SH3GL3: variants seen among roughly 807,000 people sequenced by gnomAD.
SH3GL3 encodes endophilin-A3.
In SH3GL3, 33 loss-of-function variants were observed where a neutral mutation model predicts 47.7. That is an observed-to-expected ratio of 0.69 (90% CI 0.52 to 0.92). The LOEUF (loss-of-function observed/expected upper bound fraction) is 0.92. SH3GL3 is among the 40% of genes least tolerant of loss of function. The pLI, the probability that SH3GL3 is intolerant of heterozygous loss-of-function variation, is 0.00. For missense variants in SH3GL3, 363 were observed against 417.8 expected (o/e 0.87, Z 1.14); for synonymous variants, 155 against 148.8 (o/e 1.04, Z -0.30).
chr15:83,628,988 C>T, the SH3GL3 span, among the ~76,000 whole-genome samples: 1 of 152,056 alleles, frequency 6.6e-6, no homozygotes. Flanking sequence ...CTATAAAAAG[C>T]AGTGCCATTT....
chr15:83,571,988 G>A (rs1256156436), intron 4 of SH3GL3, among the ~76,000 whole-genome samples: 1 of 152,164 alleles, frequency 6.6e-6, no homozygotes, highest in African/African-American at 2.4e-5. Context: ...CAACGCACCA[G>A]CAGACCCCCA....
intron 1 of SH3GL3, among the ~76,000 whole-genome samples, chr15:83,520,742 G>A (rs1187817885): frequency 6.6e-6 from 1 of 152,072 alleles, no homozygotes; most frequent in Non-Finnish European, 1.5e-5. Flanking sequence ...ATTTAAAATA[G>A]GCCTTTACTG....
chr15:83,523,709 T>G (rs2043299593), intron 1 of SH3GL3, among the ~76,000 whole-genome samples: 1 of 152,186 alleles, frequency 6.6e-6, no homozygotes, highest in Non-Finnish European at 1.5e-5. Context: ...CTATTGTTCT[T>G]TTTTTCTGTC....
intron 1 of SH3GL3, among the ~76,000 whole-genome samples, chr15:83,505,822 G>A (rs559195134): frequency 6.6e-5 from 10 of 152,248 alleles, no homozygotes; most frequent in East Asian, 5.8e-4. Flanking sequence ...GAGCCACTGC[G>A]TCCGGCCTGA....
chr15:83,552,777 T>A (rs2044729537), intron 1 of SH3GL3, among the ~76,000 whole-genome samples: 1 of 152,224 alleles, frequency 6.6e-6, no homozygotes, highest in Non-Finnish European at 1.5e-5. Flanking sequence ...GTTTGATATG[T>A]CAGTTTTCTG....
chr15:83,561,487 A>G (rs530681499), intron 2 of SH3GL3, among the ~76,000 whole-genome samples: 1 of 152,326 alleles, frequency 6.6e-6, no homozygotes, highest in East Asian at 1.9e-4. Flanking sequence ...GAAAATGAAT[A>G]AATCATGCAA....
rs750100781 is a variant in SH3GL3 at position 83,618,145 on chromosome 15, A to G, written c.902A>G (p.Gln301Arg). The G allele has an allele frequency of 6.2e-7, 1 of 1,613,820 alleles. No homozygotes were observed. Among genetic ancestry groups the G allele is most frequent in the South Asian group, 1.1e-5 (1 of 91,080 alleles). ...CTCTATGACTTTGAGCCAGAAAACCAAGGAGAATTAGGATTTAAAGAAGGG... is the reference window on the plus strand; with the variant it reads ...CTCTATGACTTTGAGCCAGAAAACCGAGGAGAATTAGGATTTAAAGAAGGG... ...RGLYDFEPEN[Q>R]GELGFKEGDI... Residue 301 changes from glutamine (Q) to arginine (R), a missense_variant, in exon 9 of 9, where the codon CAA becomes CGA. Gln to Arg is a conservative substitution (Grantham distance 43). Transcript: ENST00000427482.
intron 6 of SH3GL3, among the ~76,000 whole-genome samples, chr15:83,577,343 G>A (rs1384615363): frequency 6.6e-6 from 1 of 152,180 alleles, no homozygotes; most frequent in Non-Finnish European, 1.5e-5. Context: ...CAAGTTTCTA[G>A]AATTTTCTCC....
intron 1 of SH3GL3, among the ~76,000 whole-genome samples, chr15:83,494,978 C>T (rs1479204532): frequency 6.6e-6 from 1 of 152,156 alleles, no homozygotes; most frequent in African/African-American, 2.4e-5. Flanking sequence ...CCTCCCTCTC[C>T]CCCTTCCAGA....
At chr15:83,562,739 A>G (rs1269519830) in intron 2 of SH3GL3, among the ~76,000 whole-genome samples, 2 of 152,226 alleles carry the variant, frequency 1.3e-5, no homozygotes, top group Non-Finnish European at 2.9e-5. Flanking sequence ...AAGGCAAGGT[A>G]CAGGACTCCC....
downstream of SH3GL3, among the ~76,000 whole-genome samples, chr15:83,621,579 T>C (rs983831452): frequency 1.3e-5 from 2 of 152,080 alleles, no homozygotes; most frequent in African/African-American, 4.8e-5. Flanking sequence ...ATAACCGATA[T>C]GATAATGAAA....
intron 2 of SH3GL3, among the ~76,000 whole-genome samples, chr15:83,560,333 A>G (rs752380353): frequency 2.6e-5 from 4 of 152,196 alleles, no homozygotes; most frequent in Non-Finnish European, 4.4e-5. Context: ...TCTGGATGAG[A>G]ACTATTAAAT....
downstream of SH3GL3, among the ~76,000 whole-genome samples, chr15:83,621,090 G>A (rs72760400): frequency 0.12 from 17,741 of 152,206 alleles, 1,357 homozygotes; most frequent in South Asian, 0.24. Context: ...TTCAGGTAAT[G>A]CAGCTGGTTG....
chr15:83,593,275 T>C (rs1192120277), intron 8 of SH3GL3, among the ~76,000 whole-genome samples: 2 of 152,264 alleles, frequency 1.3e-5, no homozygotes, highest in Non-Finnish European at 2.9e-5. Context: ...AATCTATAAC[T>C]CAATTTAAGA....
chr15:83,572,488 A>C (rs547627839), intron 4 of SH3GL3, 77 bp from the exon 5 acceptor site: 1 of 1,259,344 alleles, frequency 7.9e-7, no homozygotes, highest in African/African-American at 1.5e-5. Flanking sequence ...ACTTTTGGTA[A>C]AGAATGAAAT....
At position 83,609,418 on chromosome 15, in the gene SH3GL3, A is replaced by T. The variant is rs972572975; in HGVS notation, c.839-8664A>T. The T allele has an allele frequency of 1.2e-5, 5 of 434,544 alleles. No homozygotes were observed. The Middle Eastern group carries it at 1.6e-3, about 137-fold the overall frequency. 26.9% of individuals were successfully genotyped at this position (434,544 alleles called of 1,614,324 possible). ...AAAAGCAGGAACAAAAACACTCAAA[A>T]GACACAGCAGTCTGGGGGATTTACT... On this transcript the variant is annotated intron_variant, in intron 8 of 8. Coordinates refer to ENST00000427482, the MANE Select transcript of SH3GL3 (RefSeq NM_003027.5).
intron 6 of SH3GL3, among the ~76,000 whole-genome samples, chr15:83,583,162 T>C (rs2059874561): frequency 6.6e-6 from 1 of 152,226 alleles, no homozygotes; most frequent in Admixed American, 6.5e-5. Context: ...TGTACACTTC[T>C]TTATTCCTGC....
downstream of SH3GL3, among the ~76,000 whole-genome samples, chr15:83,619,349 G>C (rs78524250): frequency 1.4e-3 from 219 of 152,280 alleles, 1 homozygote; most frequent in Non-Finnish European, 2.5e-3. Flanking sequence ...GGGTTTCCCA[G>C]TGTATAGAAA....
the SH3GL3 span, among the ~76,000 whole-genome samples, chr15:83,625,639 A>G: frequency 2.0e-5 from 3 of 152,194 alleles, no homozygotes; most frequent in African/African-American, 2.4e-5. Context: ...TTTCAATTTT[A>G]TATGTTATTT....
Sources: gnomAD v4.1 joint callset for allele counts (sites outside exome capture counted in the v4.1 genomes callset) on GRCh38, gnomAD v4.1.1 for gene constraint, MANE v1.5 for transcripts, NCBI Gene and HGNC (gene_info 2026-07-23, HGNC 2026-07-21) for gene names.